Variants in STK4 observed in about 807,000 individuals in gnomAD.
The protein encoded by STK4 is serine/threonine-protein kinase 4.
In STK4, 30 loss-of-function variants were observed where a neutral mutation model predicts 64.9. The ratio of observed to expected loss-of-function variants is 0.46; its 90% CI spans 0.35 to 0.63. The LOEUF is 0.63. Among genes scored for constraint, STK4 ranks in the 20% least tolerant of loss-of-function variants. The pLI, the probability that STK4 is intolerant of heterozygous loss-of-function variation, is 0.01. For missense variants in STK4, 466 were observed against 598.5 expected, an observed-to-expected ratio of 0.78 and a Z score of 2.31; for synonymous variants, 177 against 199.0, an observed-to-expected ratio of 0.89 and a Z score of 0.93.
At chr20:45,044,566 C>G (rs1044076681) in intron 10 of STK4, among the ~76,000 whole-genome samples, 1 of 151,992 alleles carries the variant, frequency 6.6e-6, no homozygotes, top group Non-Finnish European at 1.5e-5. Flanking sequence ...AGGTGGGAGG[C>G]TTGCTTGAAC....
Position 44,993,375 on chromosome 20 carries a change from C to T in STK4, c.526-1715C>T, listed in dbSNP as rs571487519. 7.9e-5 allele frequency among the ~76,000 whole-genome samples: 12 copies of T among 152,242 alleles called. No homozygotes were observed. The South Asian group carries it at 2.5e-3, about 32-fold the overall frequency. ...AATCTAAGTGGGGTTAGTGTACACT[C>T]ATTGCTCTTATTAATTTTCAAAAAC... On this transcript the variant is annotated intron_variant, in intron 5 of 10. Coordinates refer to ENST00000372806, the MANE Select transcript of STK4 (RefSeq NM_006282.5).
intron 5 of STK4, among the ~76,000 whole-genome samples, chr20:44,994,325 G>T (rs1050984704): frequency 2.0e-5 from 3 of 149,616 alleles, no homozygotes; most frequent in Non-Finnish European, 4.4e-5. Flanking sequence ...ATATAACAGT[G>T]TTTCATATTA....
intron 10 of STK4, among the ~76,000 whole-genome samples, chr20:45,030,793 G>A (rs1050873941): frequency 6.6e-6 from 1 of 152,098 alleles, no homozygotes; most frequent in African/African-American, 2.4e-5. Context: ...GTAATATTTT[G>A]TGAGAATTCA....
At chr20:45,013,315 T>C (rs2068087572) in intron 9 of STK4, among the ~76,000 whole-genome samples, 1 of 152,150 alleles carries the variant, frequency 6.6e-6, no homozygotes, top group Non-Finnish European at 1.5e-5. Flanking sequence ...ATTCTTTAAT[T>C]AATGTTGTTT....
At chr20:44,999,707 T>C (rs2067800510) in intron 7 of STK4, among the ~76,000 whole-genome samples, 1 of 152,236 alleles carries the variant, frequency 6.6e-6, no homozygotes, top group South Asian at 2.1e-4. Context: ...CAAAATCTGT[T>C]ACATATATAT....
Position 45,036,181 on chromosome 20 carries a change from T to G in STK4, c.1305+11051T>G, listed in dbSNP as rs574935161. 7.9e-5 allele frequency among the ~76,000 whole-genome samples: 12 copies of G among 152,368 alleles called. No individual in the cohort carries two copies. In the East Asian group the frequency reaches 2.1e-3, roughly 27 times the overall value. ...AGCTCGATTGAGCCATTTCACAATGTATGTACATACAGTATGTCCTTATGA... is the reference window on the plus strand; with the variant it reads ...AGCTCGATTGAGCCATTTCACAATGGATGTACATACAGTATGTCCTTATGA... On this transcript the variant is annotated intron_variant, in intron 10 of 10. Transcript: ENST00000372806.
intron 9 of STK4, among the ~76,000 whole-genome samples, chr20:45,019,286 G>T (rs1169219850): frequency 6.6e-6 from 1 of 152,078 alleles, no homozygotes; most frequent in African/African-American, 2.4e-5. Context: ...TATGTAAATG[G>T]AATCATATAA....
chr20:45,003,710 A>G (rs1306899748), intron 9 of STK4, among the ~76,000 whole-genome samples: 1 of 150,032 alleles, frequency 6.7e-6, no homozygotes, highest in Non-Finnish European at 1.5e-5. Context: ...AAACGTCTCT[A>G]AATTTTTTTT....
intron 9 of STK4, among the ~76,000 whole-genome samples, chr20:45,009,672 A>G (rs960173576): frequency 2.0e-5 from 3 of 152,160 alleles, no homozygotes; most frequent in Admixed American, 6.5e-5. Flanking sequence ...TGAGCATACA[A>G]TGTTTTTCCA....
intron 9 of STK4, among the ~76,000 whole-genome samples, chr20:45,018,376 TAGTGAC>T (rs1479786185): frequency 6.6e-6 from 1 of 152,200 alleles, no homozygotes; most frequent in Non-Finnish European, 1.5e-5. Context: ...TTGGTTTACT[TAGTGAC>T]AGTCTGGAAA....
chr20:45,011,730 T>TATATA (rs1555813605), intron 9 of STK4, among the ~76,000 whole-genome samples: 115 of 83,594 alleles, frequency 1.4e-3, no homozygotes, highest in South Asian at 2.5e-3. Context: ...TATATATATA[T>TATATA]TTTTTTTTTT....
At chr20:44,997,400 G>A (rs1568703618) in intron 7 of STK4, 94 bp downstream of exon 7, 7 of 1,469,188 alleles carry the variant, frequency 4.8e-6, no homozygotes, top group Middle Eastern at 1.9e-4. Flanking sequence ...TAGTAAAGAA[G>A]TATAAGGCAG....
Position 45,058,760 on chromosome 20 carries a change from G to A in STK4, c.1306-16258G>A, listed in dbSNP as rs746938603. ...TAAGCTGCATTAAAACAGTAGCTCG[G>A]TGCAGTTGGTGTTTTAGGTTTTCAT... On this transcript the variant is annotated intron_variant, in intron 10 of 10. Coordinates refer to ENST00000372806, the MANE Select transcript of STK4 (RefSeq NM_006282.5). 2.0e-4 allele frequency among the ~76,000 whole-genome samples: 31 copies of A among 152,232 alleles called. No individual in the cohort carries two copies. The South Asian group carries it at 6.2e-3, about 31-fold the overall frequency.
At chr20:45,006,699 C>T (rs938922427) in intron 9 of STK4, among the ~76,000 whole-genome samples, 3 of 152,142 alleles carry the variant, frequency 2.0e-5, no homozygotes, top group African/African-American at 7.2e-5. Flanking sequence ...CTCAGTTCCA[C>T]ATTGGACTTG....
At chr20:45,068,254 C>T (rs894360663) in intron 10 of STK4, among the ~76,000 whole-genome samples, 2 of 152,202 alleles carry the variant, frequency 1.3e-5, no homozygotes, top group Non-Finnish European at 2.9e-5. Flanking sequence ...GCTCTTGCCC[C>T]TAACCTGAGC....
chr20:45,010,408 G>A (rs2068024714), intron 9 of STK4, among the ~76,000 whole-genome samples: 1 of 152,122 alleles, frequency 6.6e-6, no homozygotes, highest in South Asian at 2.1e-4. Context: ...ATACTCAATA[G>A]GATAGATGTT....
At chr20:44,991,330 T>A (rs925055398) in intron 5 of STK4, among the ~76,000 whole-genome samples, 2 of 152,222 alleles carry the variant, frequency 1.3e-5, no homozygotes, top group Non-Finnish European at 2.9e-5. Flanking sequence ...TTCTTGCAAC[T>A]AAATTTTTCA....
chr20:45,007,978 A>G (rs1293128014), intron 9 of STK4, among the ~76,000 whole-genome samples: 1 of 152,178 alleles, frequency 6.6e-6, no homozygotes, highest in Non-Finnish European at 1.5e-5. Flanking sequence ...AAGTGAACAC[A>G]TGCGGTATTT....
At chr20:45,069,303 C>G (rs532671741) in intron 10 of STK4, among the ~76,000 whole-genome samples, 46 of 152,332 alleles carry the variant, frequency 3.0e-4, no homozygotes, top group African/African-American at 9.9e-4. Flanking sequence ...TATACTTGGT[C>G]TGATCTCTTC....
Sources: gnomAD v4.1 joint callset for allele counts (sites outside exome capture counted in the v4.1 genomes callset) on GRCh38, gnomAD v4.1.1 for gene constraint, MANE v1.5 for transcripts, NCBI Gene and HGNC (gene_info 2026-07-23, HGNC 2026-07-21) for gene names.